The following OSTC variants were observed in gnomAD, a reference collection of about 807,000 sequenced individuals.
OSTC encodes the protein oligosaccharyltransferase complex non-catalytic subunit.
In OSTC, 16 loss-of-function variants were observed where a neutral mutation model predicts 16.4. The observed-to-expected ratio is 0.98, with a 90% CI of 0.66 to 1.49. The LOEUF (loss-of-function observed/expected upper bound fraction) is 1.49, where lower values mean the gene tolerates loss of function less well. Ranked by LOEUF, OSTC falls within the 40% of genes most tolerant of loss-of-function variation. The probability of loss-of-function intolerance (pLI) is 0.00; values close to 1 mark genes in which losing one functional copy is unlikely to be tolerated. For missense variants in OSTC, 139 were observed against 186.3 expected (o/e 0.75, Z 1.48); for synonymous variants, 67 against 68.5 (o/e 0.98, Z 0.11).
At chr4:108,653,870 C>T (rs1391956368) in intron 1 of OSTC, among the ~76,000 whole-genome samples, 1 of 152,074 alleles carries the variant, frequency 6.6e-6, no homozygotes, top group African/African-American at 2.4e-5. Context: ...ATGGTACTGG[C>T]ATTATTTGAG....
rs554159761 is a variant in OSTC at position 108,652,788 on chromosome 4, A to G, written c.139+1994A>G. 1.3e-3 allele frequency among the ~76,000 whole-genome samples: 204 copies of G among 152,230 alleles called. 1 individual carries two copies. Among genetic ancestry groups the G allele is most frequent in the Non-Finnish European group, 1.2e-3 (81 of 68,002 alleles). ...GCGCAGTGGCTCACGCCTGTAATCC[A>G]ACACTTTGGGAGCCTGAGCCAGTTG... On this transcript the variant is annotated intron_variant, in intron 1 of 3. Coordinates refer to ENST00000361564, the MANE Select transcript of OSTC (RefSeq NM_021227.4).
chr4:108,663,572 G>A (rs1337121575), intron 3 of OSTC, among the ~76,000 whole-genome samples: 1 of 152,250 alleles, frequency 6.6e-6, no homozygotes, highest in Non-Finnish European at 1.5e-5. Context: ...GGAGTGGGTA[G>A]TAGACCAGGA....
intron 3 of OSTC, among the ~76,000 whole-genome samples, chr4:108,663,715 A>G (rs1164819711): frequency 1.3e-5 from 2 of 152,172 alleles, no homozygotes; most frequent in African/African-American, 4.8e-5. Flanking sequence ...CCTTTTTAAG[A>G]TTGTTGCAAG....
Position 108,655,601 on chromosome 4 carries a change from C to A in OSTC, c.177C>A (p.Val59=), listed in dbSNP as rs202020646. The A allele has an allele frequency of 1.2e-6, 2 of 1,607,672 alleles. No individual in the cohort carries two copies. Among genetic ancestry groups the A allele is most frequent in the African/African-American group, 2.7e-5 (2 of 74,742 alleles). The change falls in exon 2 of 4, where the codon GTC becomes GTA. Residue 59 remains valine, a synonymous_variant. Coordinates refer to ENST00000361564, the MANE Select transcript of OSTC (RefSeq NM_021227.4). ...IYDVIVEPPS[V]GSMTDEHGHQ... is the part of the protein sequence containing the mutation. ...ATGTTATTGTTGAACCTCCAAGTGT[C>A]GGTTCTATGACTGATGAACATGGGC...
intron 2 of OSTC, 34 bp from the exon 3 acceptor site, chr4:108,657,416 G>A (rs2851379): frequency 0.99 from 1,534,532 of 1,542,846 alleles, 763,145 homozygotes; most frequent in East Asian, 1. Flanking sequence ...ATTTCTATTT[G>A]TTATCTTTCT....
At chr4:108,651,841 G>A (rs1054157455) in intron 1 of OSTC, among the ~76,000 whole-genome samples, 1 of 152,116 alleles carries the variant, frequency 6.6e-6, no homozygotes, top group African/African-American at 2.4e-5. Flanking sequence ...GCACTGAAGG[G>A]GGAGGATTCA....
chr4:108,661,231 A>C (rs1240748350), intron 3 of OSTC, among the ~76,000 whole-genome samples: 1 of 151,984 alleles, frequency 6.6e-6, no homozygotes, highest in Non-Finnish European at 1.5e-5. Flanking sequence ...AAAAAAAAAA[A>C]AAAAGAATAA....
chr4:108,665,791 C>T (rs1726981231), intron 3 of OSTC, among the ~76,000 whole-genome samples: 1 of 152,020 alleles, frequency 6.6e-6, no homozygotes, highest in Non-Finnish European at 1.5e-5. Context: ...AACTCCTGAC[C>T]TGGTGCTCCA....
chr4:108,663,530 A>G (rs1271827109), intron 3 of OSTC, among the ~76,000 whole-genome samples: 4 of 152,226 alleles, frequency 2.6e-5, no homozygotes, highest in Non-Finnish European at 5.9e-5. Flanking sequence ...TTTCTAAAAG[A>G]AGAAAGTGAG....
chr4:108,662,180 G>A (rs1726874100), intron 3 of OSTC, among the ~76,000 whole-genome samples: 1 of 152,156 alleles, frequency 6.6e-6, no homozygotes, highest in Non-Finnish European at 1.5e-5. Flanking sequence ...GATAAATCCT[G>A]AGATCATGGG....
At chr4:108,658,566 C>T (rs1379719182) in intron 3 of OSTC, among the ~76,000 whole-genome samples, 1 of 152,010 alleles carries the variant, frequency 6.6e-6, no homozygotes, top group Non-Finnish European at 1.5e-5. Flanking sequence ...AGATTATTTA[C>T]TTGAAATGTG....
rs574168635 is a variant in OSTC at position 108,650,616 on chromosome 4, G to A, written c.-40G>A. 6 of 1,608,430 alleles carry A rather than the reference G, an allele frequency of 3.7e-6. No individual in the cohort carries two copies. The highest frequency in any genetic ancestry group is 1.7e-5 in the Admixed American group (1 of 59,550). ...GGGCGGGCCTGTTTCCGGGAGGCGC[G>A]TGGGGCTTGAGGCCGAGAACGGCCC... On this transcript the variant is annotated 5_prime_UTR_variant, in exon 1 of 4. It adds an upstream start codon to the 5' untranslated region. Transcript: ENST00000361564.
At chr4:108,664,307 A>T (rs911444372) in intron 3 of OSTC, among the ~76,000 whole-genome samples, 1 of 150,508 alleles carries the variant, frequency 6.6e-6, no homozygotes, top group South Asian at 2.1e-4. Context: ...TAAGAGATAG[A>T]GTACAAAGTG....
chr4:108,657,279 T>C (rs902747529), intron 2 of OSTC, among the ~76,000 whole-genome samples, 171 bp from the exon 3 acceptor site: 3 of 152,176 alleles, frequency 2.0e-5, no homozygotes, highest in African/African-American at 7.2e-5. Context: ...ACTCAATAAA[T>C]ATCTGTTGAA....
chr4:108,656,612 T>C (rs1726709484), intron 2 of OSTC, among the ~76,000 whole-genome samples: 1 of 151,956 alleles, frequency 6.6e-6, no homozygotes, highest in African/African-American at 2.4e-5. Context: ...TACATATAAT[T>C]AGAGGGGTTT....
At position 108,655,655 on chromosome 4, in the gene OSTC, C is replaced by T. The variant is rs765866102; in HGVS notation, c.231C>T (p.Tyr77=). 53 of 1,593,426 alleles carry T rather than the reference C, an allele frequency of 3.3e-5. No individual in the cohort carries two copies. The South Asian group carries it at 5.5e-4, about 17-fold the overall frequency. The change falls in exon 2 of 4, where the codon TAC becomes TAT. Residue 77 remains tyrosine (Y), a splice_region_variant and synonymous_variant. Transcript: ENST00000361564. ...GHQRPVAFLA[Y]RVNGQYIMEG... Reference sequence around the variant, plus strand: ...AGAGGCCAGTAGCTTTCTTGGCCTACAGGTAAAAGATACCTTTTTGAATGA... The same window carrying T: ...AGAGGCCAGTAGCTTTCTTGGCCTATAGGTAAAAGATACCTTTTTGAATGA...
intron 2 of OSTC, 114 bp downstream of exon 2, chr4:108,655,771 C>A: frequency 1.4e-6 from 1 of 704,646 alleles, no homozygotes; most frequent in Non-Finnish European, 2.4e-6. Flanking sequence ...TAGACAACAG[C>A]TGTTTTAAAA....
intron 3 of OSTC, among the ~76,000 whole-genome samples, chr4:108,659,747 C>T (rs190361043): frequency 5.7e-4 from 86 of 151,890 alleles, no homozygotes; most frequent in African/African-American, 2.0e-3. Context: ...CCAGCCTGGG[C>T]GACAGAGTAA....
chr4:108,656,913 C>G (rs373824890), intron 2 of OSTC, among the ~76,000 whole-genome samples: 7 of 152,174 alleles, frequency 4.6e-5, no homozygotes, highest in African/African-American at 1.7e-4. Context: ...TCCTGGCTAA[C>G]CCGGTGAAAC....
Sources: allele counts gnomAD v4.1 joint callset (sites outside exome capture counted in the v4.1 genomes callset), GRCh38; gene constraint gnomAD v4.1.1; transcripts MANE v1.5; gene names NCBI Gene and HGNC (gene_info 2026-07-23, HGNC 2026-07-21).